Variants in TIAM2 observed in about 807,000 individuals in gnomAD.
The protein encoded by TIAM2 is rho guanine nucleotide exchange factor TIAM2.
Under a neutral mutation model 152.9 loss-of-function variants are expected in TIAM2, and 80 were observed. The observed-to-expected ratio is 0.52, with a 90% CI of 0.44 to 0.63. The LOEUF (loss-of-function observed/expected upper bound fraction) is 0.63, where lower values mean the gene tolerates loss of function less well. Among genes scored for constraint, TIAM2 ranks in the 30% least tolerant of loss-of-function variants. The probability of loss-of-function intolerance (pLI) is 0.00; values close to 1 mark genes in which losing one functional copy is unlikely to be tolerated. For synonymous variants in TIAM2, 804 were observed against 838.0 expected (o/e 0.96, Z 0.70); for missense variants, 1,965 against 2,120.1 (o/e 0.93, Z 1.44).
chr6:155,244,870 T>C, intron 18 of TIAM2, 87 bp downstream of exon 18: 1 of 1,444,580 alleles, frequency 6.9e-7, no homozygotes, highest in Non-Finnish European at 9.3e-7. Context: ...GAGAAAGAAT[T>C]TCTTGTCCTG....
rs937606111 is a variant in TIAM2, at chr6:155,214,545, C to T, written c.3168+3238C>T. Among the ~76,000 whole-genome samples the T allele has an allele frequency of 6.6e-6, 1 of 152,192 alleles. No individual in the cohort carries two copies. Among genetic ancestry groups the T allele is most frequent in the African/African-American group, 2.4e-5 (1 of 41,458 alleles). On this transcript the variant is annotated intron_variant, in intron 15 of 26. Transcript: ENST00000682666. The surrounding 1 kb of genome is among the most constrained non-coding windows in gnomAD (Gnocchi z 5.4). ...TGCACCTTCTTCCAAATTTCTCCTC[C>T]CTCTCCTCCTCATTCCTCATGCAAA...
At chr6:155,232,074 C>G (rs1366101172) in intron 15 of TIAM2, among the ~76,000 whole-genome samples, 1 of 150,340 alleles carries the variant, frequency 6.7e-6, no homozygotes, top group Non-Finnish European at 1.5e-5. Context: ...GAGTGAGACT[C>G]TGTCTCAAAA....
intron 1 of TIAM2, among the ~76,000 whole-genome samples, chr6:155,000,529 C>CAAAAAAA (rs58867200): frequency 1.0e-5 from 1 of 97,744 alleles, no homozygotes; most frequent in Non-Finnish European, 1.9e-5. Flanking sequence ...GAAACTGTTG[C>CAAAAAAA]AAAAAAAAAA....
intron 1 of TIAM2, among the ~76,000 whole-genome samples, chr6:155,006,986 C>T (rs907730706): frequency 3.9e-5 from 6 of 152,140 alleles, no homozygotes; most frequent in South Asian, 2.1e-4. Context: ...CCACTGTGCC[C>T]GGCCAATTTT....
intron 1 of TIAM2, among the ~76,000 whole-genome samples, chr6:155,000,529 CAAA>C (rs58867200): frequency 1.4e-4 from 14 of 97,716 alleles, no homozygotes; most frequent in East Asian, 3.6e-4. Flanking sequence ...GAAACTGTTG[CAAA>C]AAAAAAAAAA....
intron 2 of TIAM2, among the ~76,000 whole-genome samples, chr6:155,095,833 A>T (rs887082141): frequency 1.3e-5 from 2 of 152,182 alleles, no homozygotes; most frequent in South Asian, 4.1e-4. Flanking sequence ...CTTTAACTAC[A>T]ATTAGATCTG....
intron 15 of TIAM2, among the ~76,000 whole-genome samples, chr6:155,212,686 AGGCCCACTC>A (rs148993866): frequency 0.2 from 29,657 of 148,040 alleles, 3,292 homozygotes; most frequent in East Asian, 0.33. Context: ...CGGGCCCACT[AGGCCCACTC>A]GGCCCACTCG....
Position 155,099,210 on chromosome 6 carries a change from GTA to G in TIAM2, c.-118+8841_-118+8842del, listed in dbSNP as rs140850839. Among the ~76,000 whole-genome samples, 233 of 79,330 alleles carry G rather than the reference GTA, an allele frequency of 2.9e-3. 2 individuals are homozygous for G. The highest frequency in any genetic ancestry group is 8.9e-3 in the African/African-American group (220 of 24,630). The allele number at this position is 79,330 out of a possible 152,430, so 52.0% of individuals were successfully genotyped here. ...GTCTCTCTTTCTCTCATCTATATGTGTATATATATATGTGTGTGTGTGTGTGT... is the reference window on the plus strand; with the variant it reads ...GTCTCTCTTTCTCTCATCTATATGTGTATATATATGTGTGTGTGTGTGTGT... On this transcript the variant is annotated intron_variant, in intron 2 of 26. Coordinates refer to ENST00000682666, the MANE Select transcript of TIAM2 (RefSeq NM_012454.4).
intron 7 of TIAM2, chr6:155,149,221 A>G (rs1457166080): frequency 6.0e-6 from 1 of 167,096 alleles, no homozygotes; most frequent in African/African-American, 2.4e-5. Flanking sequence ...GCTCCCCTCA[A>G]TAGAGGTGAG....
intron 2 of TIAM2, among the ~76,000 whole-genome samples, chr6:155,112,089 A>G (rs115832803): frequency 0.01 from 1,528 of 147,136 alleles, 36 homozygotes; most frequent in African/African-American, 0.035. Context: ...GCTTTTCCCA[A>G]TTGGCTTTAG....
Position 155,132,296 on chromosome 6 carries a change from G to A in TIAM2, c.1194+1879G>A, listed in dbSNP as rs117101761. Among the ~76,000 whole-genome samples, 97 of 148,754 alleles carry A rather than the reference G, an allele frequency of 6.5e-4. 1 individual carries two copies. The East Asian group carries it at 0.019, about 29-fold the overall frequency. ...TTATAAAATTATATAGAGATTTAGG[G>A]GTGGAAAATAATATAACTTTTTTGA... On this transcript the variant is annotated intron_variant, in intron 4 of 26. Transcript: ENST00000682666.
intron 10 of TIAM2, among the ~76,000 whole-genome samples, 167 bp downstream of exon 10, chr6:155,177,144 C>T (rs916754045): frequency 6.6e-6 from 1 of 152,134 alleles, no homozygotes; most frequent in African/African-American, 2.4e-5. Flanking sequence ...CATTAATTTG[C>T]ATTCTATTCC....
chr6:155,154,953 C>T (rs566597385), intron 7 of TIAM2, among the ~76,000 whole-genome samples: 5 of 152,196 alleles, frequency 3.3e-5, no homozygotes, highest in East Asian at 1.9e-4. Flanking sequence ...GAGGAAAATA[C>T]GAGGATACTG....
At chr6:154,998,556 G>A (rs1778260661) in intron 1 of TIAM2, among the ~76,000 whole-genome samples, 1 of 152,102 alleles carries the variant, frequency 6.6e-6, no homozygotes, top group Admixed American at 6.5e-5. Flanking sequence ...GGGGTGATCT[G>A]GTGGCATTTT....
At position 155,236,121 on chromosome 6, in the gene TIAM2, C is replaced by T. The variant is rs541205054; in HGVS notation, c.3169-4409C>T. ...AGTCTTGGAGTCCGAGTATTATCAT[C>T]GTGAACATTTTAGCTCACTTCATAG... On this transcript the variant is annotated intron_variant, in intron 15 of 26. Transcript: ENST00000682666. 5.3e-5 allele frequency among the ~76,000 whole-genome samples: 8 copies of T among 152,094 alleles called. No individual in the cohort carries two copies. The East Asian group carries it at 5.8e-4, about 11-fold the overall frequency.
intron 26 of TIAM2, chr6:155,256,186 C>T: frequency 3.7e-6 from 2 of 543,084 alleles, no homozygotes; most frequent in Non-Finnish European, 6.4e-6. Context: ...CAACTTACTC[C>T]TTGGCAAAAT....
chr6:155,085,526 A>C lies in TIAM2; in HGVS notation c.-208-4763A>C, dbSNP rs1046789290. 5.3e-5 allele frequency among the ~76,000 whole-genome samples: 8 copies of C among 151,950 alleles called. 1 individual carries two copies. Among genetic ancestry groups the C allele is most frequent in the Admixed American group, 3.9e-4 (6 of 15,234 alleles). On this transcript the variant is annotated intron_variant, in intron 1 of 26. Transcript: ENST00000682666. ...CCAGTCCTTGGCAGTAGGCTTCTAG[A>C]TTGACTAATCATGTAGTATTTCTTA...
chr6:155,244,206 G>C, intron 17 of TIAM2, 127 bp downstream of exon 17: 1 of 907,840 alleles, frequency 1.1e-6, no homozygotes, highest in East Asian at 2.5e-5. Flanking sequence ...ACGGTCTTCT[G>C]AGAGTCCCAG....
intron 4 of TIAM2, 107 bp downstream of exon 4, chr6:155,130,524 T>C: frequency 9.4e-7 from 1 of 1,059,600 alleles, no homozygotes; most frequent in South Asian, 1.7e-5. Flanking sequence ...GCTTAAGTGA[T>C]CTGGCAAAAG....
Sources: allele counts gnomAD v4.1 joint callset (sites outside exome capture counted in the v4.1 genomes callset), GRCh38; gene constraint gnomAD v4.1.1; non-coding constraint Gnocchi (gnomAD v3.1); transcripts MANE v1.5; gene names NCBI Gene and HGNC (gene_info 2026-07-23, HGNC 2026-07-21).